The following CFLAR variants were observed in gnomAD, a reference collection of about 807,000 sequenced individuals.
The protein encoded by CFLAR is CASP8 and FADD like apoptosis regulator.
CFLAR carries 14 observed loss-of-function variants against 51.1 expected under a neutral mutation model. The observed-to-expected ratio is 0.27, with a 90% CI of 0.18 to 0.43. The LOEUF (loss-of-function observed/expected upper bound fraction) is 0.43, where lower values mean the gene tolerates loss of function less well. Ranked by LOEUF, CFLAR falls within the 20% of genes least tolerant of loss-of-function variation. The pLI is 1.00. For missense variants in CFLAR, 390 were observed against 566.5 expected, an observed-to-expected ratio of 0.69 and a Z score of 3.16; for synonymous variants, 210 against 211.6, an observed-to-expected ratio of 0.99 and a Z score of 0.06.
intron 8 of CFLAR, among the ~76,000 whole-genome samples, chr2:201,153,903 C>CTTTTTTT (rs747813572): frequency 1.7e-4 from 18 of 103,046 alleles, no homozygotes; most frequent in African/African-American, 2.1e-4. Context: ...TCTTTTCTTT[C>CTTTTTTT]TTTTTTTTTT....
In CFLAR at chr2:201,163,843, C is replaced by T. The variant is rs1024518593; in HGVS notation, c.1313C>T (p.Pro438Leu). The T allele has an allele frequency of 6.2e-7, 1 of 1,603,018 alleles. No homozygotes were observed. Among genetic ancestry groups the T allele is most frequent in the African/African-American group, 1.3e-5 (1 of 74,168 alleles). The stretch of plus-strand genomic sequence containing the variant: ...TTTCTTGTTTTCTCCAGAAAACGCC[C>T]ACTCCTGGATCTTCACATTGAACTC... ...SQKLRQERKR[P>L]LLDLHIELNG... Residue 438 changes from proline (P) to leucine (L), a missense_variant, in exon 10 of 10, where the codon CCA becomes CTA. Pro to Leu is a moderately conservative substitution (Grantham distance 98). Around this residue, in one of 2 missense-constraint regions of CFLAR, gnomAD observed 287 missense variants for 363.6 expected, o/e 0.79. Coordinates refer to ENST00000309955, the MANE Select transcript of CFLAR (RefSeq NM_003879.7).
chr2:201,170,027 G>C lies in CFLAR; in HGVS notation c.*6054G>C, dbSNP rs533133036. ...GGTGGGAATGTAAATTAGTTCAACC[G>C]TTGTGGAAGTGTGTGTGGCTATTCC... On this transcript the variant is annotated 3_prime_UTR_variant, in exon 10 of 10. Transcript: ENST00000309955. The C allele has an allele frequency of 6.6e-6, 1 of 152,148 alleles. No homozygotes were observed. The highest frequency in any genetic ancestry group is 6.5e-5 in the Admixed American group (1 of 15,272). The allele number at this position is 152,148 out of a possible 1,614,324, so 9.4% of individuals were successfully genotyped here.
chr2:201,157,536 C>T (rs779706150), intron 8 of CFLAR, among the ~76,000 whole-genome samples: 18 of 152,052 alleles, frequency 1.2e-4, no homozygotes, highest in Non-Finnish European at 2.2e-4. Context: ...ACTACCATGC[C>T]TGGCTAGTTT....
chr2:201,157,744 A>C (rs896925745), intron 8 of CFLAR: 1 of 152,258 alleles, frequency 6.6e-6, no homozygotes, highest in Admixed American at 6.5e-5. Flanking sequence ...TCAAAGTCAC[A>C]CTGTCATTAC....
In CFLAR at chr2:201,175,877, G is replaced by C. The variant is rs1944161896; in HGVS notation, c.*11904G>C. ...CCAGCATTTTGGGAGGCTGAGGCAG[G>C]TGGATTACTTGAGGTCAGTAGTTCG... On this transcript the variant is annotated 3_prime_UTR_variant, in exon 10 of 10. Transcript: ENST00000309955. 6.6e-6 allele frequency: 1 copy of C among 152,258 alleles called. No individual in the cohort carries two copies. The highest frequency in any genetic ancestry group is 6.5e-5 in the Admixed American group (1 of 15,272). The allele number at this position is 152,258 out of a possible 1,614,324, so 9.4% of individuals were successfully genotyped here.
chr2:201,151,921 T>C (rs1209760928), intron 8 of CFLAR, among the ~76,000 whole-genome samples: 1 of 152,080 alleles, frequency 6.6e-6, no homozygotes, highest in African/African-American at 2.4e-5. Flanking sequence ...GTTTGAATCA[T>C]GGCTATGCCA....
chr2:201,130,042 C>T lies in CFLAR; in HGVS notation c.177C>T (p.Leu59=). ...CTGTCGGGGACTTGGCTGAACTGCT[C>T]TACAGAGTGAGGCGATTTGACCTGC... The part of the protein sequence containing the change: ...KLSVGDLAEL[L]YRVRRFDLLK... The change falls in exon 2 of 10, where the codon CTC becomes CTT. Residue 59 remains leucine, a synonymous_variant. Transcript: ENST00000309955. The T allele has an allele frequency of 1.2e-6, 2 of 1,614,084 alleles. No homozygotes were observed. The highest frequency in any genetic ancestry group is 1.6e-4 in the Middle Eastern group (1 of 6,062).
chr2:201,124,322 G>GTGTCT lies in CFLAR; in HGVS notation c.-137-5404_-137-5403insCTTGT, dbSNP rs1295409343. ...AAGTGTGTTAAGTGCTTCAATAGAGGTGTTTTGTTTTGTTTTGTTTTGTTT... is the reference window on the plus strand; with the variant it reads ...AAGTGTGTTAAGTGCTTCAATAGAGGTGTCTTGTTTTGTTTTGTTTTGTTTTGTTT... On this transcript the variant is annotated intron_variant, in intron 1 of 9. Transcript: ENST00000309955. The surrounding 1 kb of genome is among the most constrained non-coding windows in gnomAD (Gnocchi z 4.7). 6.6e-6 allele frequency among the ~76,000 whole-genome samples: 1 copy of GTGTCT among 152,108 alleles called. No individual in the cohort carries two copies. Among genetic ancestry groups the GTGTCT allele is most frequent in the Non-Finnish European group, 1.5e-5 (1 of 68,006 alleles).
intron 3 of CFLAR, among the ~76,000 whole-genome samples, chr2:201,135,497 G>T (rs2049978671): frequency 1.3e-5 from 2 of 152,186 alleles, no homozygotes; most frequent in South Asian, 4.1e-4. Context: ...GTAAAAATCA[G>T]GAGTCTAAGT....
In CFLAR at chr2:201,174,078, T is replaced by C. The variant is rs975036201; in HGVS notation, c.*10105T>C. On this transcript the variant is annotated 3_prime_UTR_variant, in exon 10 of 10. Transcript: ENST00000309955. ...ATATATTCTCCCATTCCATGGATTG[T>C]CTTCTCACTTTCTGGATACTATACA... 6.6e-6 allele frequency: 1 copy of C among 152,268 alleles called. No homozygotes were observed. The highest frequency in any genetic ancestry group is 2.4e-5 in the African/African-American group (1 of 41,474). 9.4% of individuals were successfully genotyped at this position (152,268 alleles called of 1,614,324 possible).
At chr2:201,156,867 C>A (rs1942263016) in intron 8 of CFLAR, among the ~76,000 whole-genome samples, 1 of 151,960 alleles carries the variant, frequency 6.6e-6, no homozygotes, top group Admixed American at 6.6e-5. Context: ...TTTTCCAAAC[C>A]CAGCCCCCAA....
chr2:201,152,138 C>T (rs768006336), intron 8 of CFLAR, among the ~76,000 whole-genome samples: 1 of 151,960 alleles, frequency 6.6e-6, no homozygotes, highest in Non-Finnish European at 1.5e-5. Flanking sequence ...GGAATACAGG[C>T]GCCCGCCACC....
chr2:201,143,024 T>A lies in CFLAR; in HGVS notation c.607-2354T>A, dbSNP rs138101706. 2.5e-3 allele frequency among the ~76,000 whole-genome samples: 388 copies of A among 152,362 alleles called. 9 individuals carry two copies. Among genetic ancestry groups the A allele is most frequent in the Admixed American group, 0.023 (351 of 15,300 alleles). On this transcript the variant is annotated intron_variant, in intron 5 of 9. Transcript: ENST00000309955. ...AGGTTTTCTGAGCTTTCTCTGCTAT[T>A]GTCTGTCTAATATAAATTATATTGT...
rs1192740248 is a variant in CFLAR at position 201,168,716 on chromosome 2, C to T, written c.*4743C>T. 1 of 152,118 alleles carries T rather than the reference C, an allele frequency of 6.6e-6. No individual in the cohort carries two copies. Among genetic ancestry groups the T allele is most frequent in the African/African-American group, 2.4e-5 (1 of 41,422 alleles). 9.4% of individuals were successfully genotyped at this position (152,118 alleles called of 1,614,324 possible). Reference sequence around the variant, plus strand: ...ATGACATGATACTATATCTAGAAAACCCCATTATCTCCACCCAAAAGTTCC... The same window carrying T: ...ATGACATGATACTATATCTAGAAAATCCCATTATCTCCACCCAAAAGTTCC... On this transcript the variant is annotated 3_prime_UTR_variant, in exon 10 of 10. Transcript: ENST00000309955.
At chr2:201,123,824 A>C (rs554776136) in intron 1 of CFLAR, among the ~76,000 whole-genome samples, 1 of 152,330 alleles carries the variant, frequency 6.6e-6, no homozygotes, top group African/African-American at 2.4e-5. Flanking sequence ...AGATGGCCAC[A>C]TTCTACTTTA....
At chr2:201,162,869 A>G in intron 9 of CFLAR, 1 of 596,468 alleles carries the variant, frequency 1.7e-6, no homozygotes, top group East Asian at 2.9e-5. Context: ...ACAATAGCCC[A>G]TAATATGGCC....
chr2:201,168,025 C>A lies in CFLAR; in HGVS notation c.*4052C>A, dbSNP rs1201357536. The A allele has an allele frequency of 6.6e-6, 1 of 152,276 alleles. No individual in the cohort carries two copies. Among genetic ancestry groups the A allele is most frequent in the Non-Finnish European group, 1.5e-5 (1 of 68,102 alleles). 9.4% of individuals were successfully genotyped at this position (152,276 alleles called of 1,614,324 possible). On this transcript the variant is annotated 3_prime_UTR_variant, in exon 10 of 10. Coordinates refer to ENST00000309955, the MANE Select transcript of CFLAR (RefSeq NM_003879.7). ...TTGGGAGGCCAAGGCGGGCGGATCA[C>A]GAGGTCAGGAGATCAAGACCATCCT...
intron 4 of CFLAR, 115 bp downstream of exon 4, chr2:201,136,222 C>T: frequency 1.9e-6 from 3 of 1,608,980 alleles, no homozygotes; most frequent in Non-Finnish European, 1.7e-6. Context: ...ACCTGGATGA[C>T]CAAAGCCTCC....
At chr2:201,141,489 CTAAATGTGTTA>C (rs1288061655) in intron 5 of CFLAR, 15 of 1,530,278 alleles carry the variant, frequency 9.8e-6, no homozygotes, top group African/African-American at 1.4e-5. Flanking sequence ...GTTTCATTTT[CTAAATGTGTTA>C]TAATGTGTTT....
Sources: allele counts gnomAD v4.1 joint callset (sites outside exome capture counted in the v4.1 genomes callset), GRCh38; gene constraint gnomAD v4.1.1; regional missense constraint gnomAD v4.1.1; non-coding constraint Gnocchi (gnomAD v3.1); transcripts MANE v1.5; gene names NCBI Gene and HGNC (gene_info 2026-07-23, HGNC 2026-07-21).